TMEM178B: variants seen among roughly 807,000 people sequenced by gnomAD.
TMEM178B encodes transmembrane protein 178B.
Under a neutral mutation model 31.0 loss-of-function variants are expected in TMEM178B, and 5 were observed. The observed-to-expected ratio is 0.16, with a 90% CI of 0.08 to 0.34. TMEM178B has a LOEUF of 0.34. TMEM178B is among the 10% of genes least tolerant of loss of function. The pLI is 1.00. For missense variants in TMEM178B, 275 were observed against 400.3 expected, an observed-to-expected ratio of 0.69 and a Z score of 2.67; for synonymous variants, 164 against 164.0, an observed-to-expected ratio of 1.00 and a Z score of 0.00.
intron 2 of TMEM178B, among the ~76,000 whole-genome samples, chr7:141,362,882 C>T (rs1799939974): frequency 6.6e-6 from 1 of 152,218 alleles, no homozygotes; most frequent in Admixed American, 6.5e-5. Context: ...CAGTGCATGT[C>T]ATCCAGATAC....
intron 2 of TMEM178B, among the ~76,000 whole-genome samples, chr7:141,257,759 A>T (rs1316653441): frequency 6.6e-6 from 1 of 151,758 alleles, no homozygotes; most frequent in African/African-American, 2.4e-5. Context: ...TTATTTATTT[A>T]TTTATTTTCT....
At chr7:141,482,812 C>T (rs1338117156), downstream of TMEM178B, among the ~76,000 whole-genome samples, 4 of 151,136 alleles carry the variant, frequency 2.6e-5, no homozygotes, top group African/African-American at 9.7e-5. Context: ...ACGGACAGCA[C>T]TTAATTCTCC....
intron 2 of TMEM178B, among the ~76,000 whole-genome samples, chr7:141,325,823 GAA>G (rs10713278): frequency 1.3e-5 from 2 of 150,286 alleles, no homozygotes; most frequent in African/African-American, 4.9e-5. Flanking sequence ...ACAGCCCTGG[GAA>G]AAAAAAAAGT....
chr7:141,449,583 G>C (rs1181647542), intron 3 of TMEM178B, among the ~76,000 whole-genome samples: 1 of 152,218 alleles, frequency 6.6e-6, no homozygotes, highest in African/African-American at 2.4e-5. Context: ...ACCAGACACA[G>C]GGTCCCCCTG....
chr7:141,281,972 T>C (rs1320582687), intron 2 of TMEM178B, among the ~76,000 whole-genome samples: 1 of 152,204 alleles, frequency 6.6e-6, no homozygotes, highest in Non-Finnish European at 1.5e-5. Context: ...TTGTTTTGAA[T>C]GACCATTTTG....
chr7:141,135,158 A>G (rs758340280), intron 1 of TMEM178B, among the ~76,000 whole-genome samples: 1 of 152,228 alleles, frequency 6.6e-6, no homozygotes, highest in Non-Finnish European at 1.5e-5. Context: ...TGATGAAGGT[A>G]TCAATTCAGC....
chr7:141,095,240 G>A (rs1459838554), intron 1 of TMEM178B, among the ~76,000 whole-genome samples: 1 of 152,154 alleles, frequency 6.6e-6, no homozygotes, highest in African/African-American at 2.4e-5. Context: ...GGAGCAGGTG[G>A]TGTATCATTT....
chr7:141,398,418 A>G (rs1378878126), intron 2 of TMEM178B, among the ~76,000 whole-genome samples: 2 of 152,066 alleles, frequency 1.3e-5, no homozygotes, highest in Non-Finnish European at 2.9e-5. Context: ...GAGTCTGGGG[A>G]ATACCCAGAG....
At position 141,261,573 on chromosome 7, in the gene TMEM178B, CA is replaced by C. The variant is rs1798012608; in HGVS notation, c.496+48870del. Reference sequence around the variant, plus strand: ...TTTCAGAGCTAACAAAGCAGCAGTTCAGGAAGTCTAAGACCGAGTGAGTGCT... The same window carrying C: ...TTTCAGAGCTAACAAAGCAGCAGTTCGGAAGTCTAAGACCGAGTGAGTGCT... On this transcript the variant is annotated intron_variant, in intron 2 of 3. Coordinates refer to ENST00000565468, the MANE Select transcript of TMEM178B (RefSeq NM_001195278.2). Among the ~76,000 whole-genome samples the C allele has an allele frequency of 2.0e-5, 3 of 152,252 alleles. No homozygotes were observed. The South Asian group carries it at 6.2e-4, about 32-fold the overall frequency.
In TMEM178B at chr7:141,367,588, G is replaced by T. The variant is rs187619369; in HGVS notation, c.497-70020G>T. On this transcript the variant is annotated intron_variant, in intron 2 of 3. Coordinates refer to ENST00000565468, the MANE Select transcript of TMEM178B (RefSeq NM_001195278.2). ...GCTGACAATTACCCTTTGAGCTCCT[G>T]TTAGGACCCAGGCATGATGCTGGGT... 2.7e-3 allele frequency among the ~76,000 whole-genome samples: 404 copies of T among 152,264 alleles called. 3 individuals are homozygous for T. Among genetic ancestry groups the T allele is most frequent in the African/African-American group, 8.9e-3 (368 of 41,552 alleles).
chr7:141,423,125 C>A (rs1391864687), intron 2 of TMEM178B, among the ~76,000 whole-genome samples: 1 of 152,120 alleles, frequency 6.6e-6, no homozygotes, highest in African/African-American at 2.4e-5. Flanking sequence ...CTGTAACCTC[C>A]GCCTTCCAGG....
At chr7:141,484,113 C>T (rs73169579), downstream of TMEM178B, among the ~76,000 whole-genome samples, 3,634 of 152,264 alleles carry the variant, frequency 0.024, 77 homozygotes, top group Non-Finnish European at 0.038. The surrounding 1 kb of genome is among the most constrained non-coding windows in gnomAD (Gnocchi z 4.8). Context: ...CCAAAGCTGA[C>T]AGCAGATGTA....
intron 1 of TMEM178B, among the ~76,000 whole-genome samples, chr7:141,110,877 T>C (rs898178462): frequency 1.3e-5 from 2 of 152,180 alleles, no homozygotes; most frequent in African/African-American, 4.8e-5. Context: ...CTCGCTGTCT[T>C]GTTCTCCAAC....
intron 1 of TMEM178B, among the ~76,000 whole-genome samples, chr7:141,190,541 G>A (rs960687480): frequency 6.6e-6 from 1 of 151,954 alleles, no homozygotes; most frequent in Non-Finnish European, 1.5e-5. Context: ...GAACTCCTGG[G>A]CTCGAGTGAT....
chr7:141,245,284 G>C (rs1053833510), intron 2 of TMEM178B, among the ~76,000 whole-genome samples: 1 of 148,912 alleles, frequency 6.7e-6, no homozygotes, highest in Non-Finnish European at 1.5e-5. Flanking sequence ...AGAAGGTTTC[G>C]CAGTGTGGGC....
chr7:141,453,109 C>T (rs187258243), intron 3 of TMEM178B, among the ~76,000 whole-genome samples: 6 of 152,352 alleles, frequency 3.9e-5, no homozygotes. Context: ...TACCTAGACC[C>T]AGACTCCTCC....
intron 2 of TMEM178B, among the ~76,000 whole-genome samples, chr7:141,295,300 A>G (rs1458452428): frequency 6.6e-6 from 1 of 152,094 alleles, no homozygotes; most frequent in African/African-American, 2.4e-5. Flanking sequence ...GAATTTAGGT[A>G]TTTGGCTTGG....
chr7:141,304,163 G>T (rs1563146073), intron 2 of TMEM178B, among the ~76,000 whole-genome samples: 2 of 152,174 alleles, frequency 1.3e-5, no homozygotes, highest in South Asian at 4.1e-4. Flanking sequence ...ACAGTATGTG[G>T]TTATTAATTG....
intron 2 of TMEM178B, among the ~76,000 whole-genome samples, chr7:141,390,966 T>C (rs1386811566): frequency 6.6e-6 from 1 of 152,002 alleles, no homozygotes; most frequent in African/African-American, 2.4e-5. Flanking sequence ...GAGGGAGGGT[T>C]TTAAAAGGAA....
Sources: gnomAD v4.1 joint callset for allele counts (sites outside exome capture counted in the v4.1 genomes callset) on GRCh38, gnomAD v4.1.1 for gene constraint, Gnocchi (gnomAD v3.1) non-coding constraint, MANE v1.5 for transcripts, NCBI Gene and HGNC (gene_info 2026-07-23, HGNC 2026-07-21) for gene names.